Variants in NUP93 observed in about 807,000 individuals in gnomAD.
The protein encoded by NUP93 is nucleoporin 93, also known as nuclear pore complex protein Nup93.
Under a neutral mutation model 107.8 loss-of-function variants are expected in NUP93, and 55 were observed. The observed-to-expected ratio is 0.51, with a 90% CI of 0.41 to 0.64. The LOEUF is 0.64. Among genes scored for constraint, NUP93 ranks in the 30% least tolerant of loss-of-function variants. The pLI, the probability that NUP93 is intolerant of heterozygous loss-of-function variation, is 0.00. For missense variants in NUP93, 937 were observed against 1,044.7 expected (o/e 0.90, Z 1.42); for synonymous variants, 390 against 397.5 (o/e 0.98, Z 0.22).
chr16:56,810,670 T>C (rs1963295432), intron 5 of NUP93, among the ~76,000 whole-genome samples: 1 of 152,046 alleles, frequency 6.6e-6, no homozygotes, highest in Non-Finnish European at 1.5e-5. Flanking sequence ...TTTTAAAAAG[T>C]GTACAACTCA....
chr16:56,757,340 T>C (rs748576965), intron 2 of NUP93, among the ~76,000 whole-genome samples: 1 of 152,222 alleles, frequency 6.6e-6, no homozygotes, highest in Non-Finnish European at 1.5e-5. Flanking sequence ...ATGGGCTGGA[T>C]GTGGTGGTTC....
intron 3 of NUP93, among the ~76,000 whole-genome samples, chr16:56,793,680 CT>C (rs1305442200): frequency 6.6e-6 from 1 of 152,114 alleles, no homozygotes; most frequent in Non-Finnish European, 1.5e-5. Flanking sequence ...TTCTGCCCAA[CT>C]TTTTAGTTCT....
chr16:56,840,060 A>G (rs1865829), intron 20 of NUP93: 162,225 of 168,904 alleles, frequency 0.96, 77,970 homozygotes, highest in East Asian at 1. Context: ...TCACTCTGTC[A>G]CCCAGGCTGG....
Position 56,835,894 on chromosome 16 carries a change from C to T in NUP93, c.1783-707C>T, listed in dbSNP as rs1045554995. Reference sequence around the variant, plus strand: ...CTGTAATCCCAGCACTTTGGGAGGCCGAGGCGGGTGGATCATGAGGTCAGG... The same window carrying T: ...CTGTAATCCCAGCACTTTGGGAGGCTGAGGCGGGTGGATCATGAGGTCAGG... On this transcript the variant is annotated intron_variant, in intron 16 of 21. Transcript: ENST00000308159. Among the ~76,000 whole-genome samples, 3 of 151,910 alleles carry T rather than the reference C, an allele frequency of 2.0e-5. No homozygotes were observed. In the East Asian group the frequency reaches 5.8e-4, roughly 29 times the overall value.
intron 3 of NUP93, among the ~76,000 whole-genome samples, chr16:56,790,473 C>G (rs1377271757): frequency 6.6e-6 from 1 of 152,160 alleles, no homozygotes; most frequent in Non-Finnish European, 1.5e-5. Context: ...AAAAGCGAGT[C>G]CACACCGTCT....
chr16:56,839,378 A>T, intron 19 of NUP93, 143 bp from the exon 20 acceptor site: 2 of 579,954 alleles, frequency 3.4e-6, no homozygotes, highest in African/African-American at 1.9e-5. Flanking sequence ...GCTAGTTAGA[A>T]TCAAAGCCTT....
At chr16:56,833,668 G>C (rs1963849521) in intron 13 of NUP93, among the ~76,000 whole-genome samples, 1 of 150,746 alleles carries the variant, frequency 6.6e-6, no homozygotes, top group Admixed American at 6.6e-5. Flanking sequence ...TGATTGCCTG[G>C]AAAATGCTGA....
intron 21 of NUP93, among the ~76,000 whole-genome samples, chr16:56,842,280 A>C (rs1964040626): frequency 6.6e-6 from 1 of 152,184 alleles, no homozygotes; most frequent in Admixed American, 6.5e-5. Context: ...ACAGCATCTT[A>C]TCCCCTCTCA....
chr16:56,818,448 G>C (rs1244690938), intron 5 of NUP93, among the ~76,000 whole-genome samples: 1 of 152,146 alleles, frequency 6.6e-6, no homozygotes, highest in African/African-American at 2.4e-5. Flanking sequence ...CTCTTTTTTA[G>C]TTAATCCAAT....
intron 1 of NUP93, among the ~76,000 whole-genome samples, chr16:56,736,368 A>G (rs1472784146): frequency 5.9e-5 from 9 of 152,222 alleles, no homozygotes; most frequent in Non-Finnish European, 1.3e-4. Flanking sequence ...TTCGGTAATG[A>G]GAGTTTGGAG....
rs568523095 is a variant in NUP93, at chr16:56,845,501, A to G, written c.*892A>G. 6.6e-6 allele frequency: 1 copy of G among 152,358 alleles called. No individual in the cohort carries two copies. The highest frequency in any genetic ancestry group is 2.1e-4 in the South Asian group (1 of 4,832). The allele number at this position is 152,358 out of a possible 1,614,324, so 9.4% of individuals were successfully genotyped here. ...TGCAATGTACAGAATCCAGACCACC[A>G]CATGGCATCAGCACCATGGGTGTTT... On this transcript the variant is annotated 3_prime_UTR_variant, in exon 22 of 22. Transcript: ENST00000308159.
At chr16:56,783,398 TTG>T in intron 3 of NUP93, 1 of 858,100 alleles carries the variant, frequency 1.2e-6, no homozygotes, top group Non-Finnish European at 1.4e-6. Context: ...CCTCTTGGCA[TTG>T]GAGTTCTGGA....
At chr16:56,735,530 C>T (rs549565374) in intron 1 of NUP93, among the ~76,000 whole-genome samples, 1 of 152,232 alleles carries the variant, frequency 6.6e-6, no homozygotes, top group Admixed American at 6.5e-5. Context: ...GTTTTTTGAG[C>T]AGGGGCAACA....
In NUP93 at chr16:56,829,014, T is replaced by G; in HGVS notation, c.832T>G (p.Leu278Val). The change falls in exon 9 of 22, where the codon TTG becomes GTG. Residue 278 changes from leucine (L) to valine (V), a missense_variant. Physicochemically the swap from Leu to Val is conservative, Grantham distance 32. Transcript: ENST00000308159. ...CACCCTTGTGACTGTCTTTGGAAAT[T>G]TGCATCAGGCCCAGCTGGGCGGGGT... ...NYTLVTVFGN[L>V]HQAQLGGVPG... 1 of 1,613,820 alleles carries G rather than the reference T, an allele frequency of 6.2e-7. No individual in the cohort carries two copies. Among genetic ancestry groups the G allele is most frequent in the East Asian group, 2.2e-5 (1 of 44,880 alleles).
At chr16:56,814,896 G>A (rs752918561) in intron 5 of NUP93, among the ~76,000 whole-genome samples, 55 of 152,342 alleles carry the variant, frequency 3.6e-4, no homozygotes, top group Non-Finnish European at 7.6e-4. Flanking sequence ...CAGCCCTCAG[G>A]CAGTCCCTGG....
intron 1 of NUP93, among the ~76,000 whole-genome samples, chr16:56,746,919 GA>G (rs1236112477): frequency 6.6e-6 from 1 of 150,582 alleles, no homozygotes; most frequent in East Asian, 1.9e-4. Flanking sequence ...CCAAAAGAAG[GA>G]AAAAAAGTAT....
chr16:56,833,113 G>A, intron 12 of NUP93, 102 bp from the exon 13 acceptor site: 1 of 960,730 alleles, frequency 1.0e-6, no homozygotes, highest in Non-Finnish European at 1.6e-6. Context: ...TTCCTGTCCA[G>A]CAAGTCCTGT....
chr16:56,826,012 A>G (rs1963650878), intron 8 of NUP93, among the ~76,000 whole-genome samples: 1 of 152,186 alleles, frequency 6.6e-6, no homozygotes, highest in South Asian at 2.1e-4. Context: ...TTGTGAAAAT[A>G]TAGGATTGGT....
Position 56,841,768 on chromosome 16 carries a change from A to C in NUP93, c.2284A>C (p.Arg762=), listed in dbSNP as rs1270045333. The C allele has an allele frequency of 1.9e-6, 3 of 1,614,204 alleles. No homozygotes were observed. Among genetic ancestry groups the C allele is most frequent in the Admixed American group, 3.3e-5 (2 of 60,034 alleles). ...TMNILFTQFK[R]LKGTSPSSSS... is the part of the protein sequence containing the mutation. ...GAACATCTTGTTCACACAGTTTAAG[A>C]GGCTCAAGGGGACAAGTCCATCCTC... The change falls in exon 21 of 22, where the codon AGG becomes CGG. Residue 762 remains arginine (R), a synonymous_variant. Transcript: ENST00000308159.
Sources: allele counts gnomAD v4.1 joint callset (sites outside exome capture counted in the v4.1 genomes callset), GRCh38; gene constraint gnomAD v4.1.1; transcripts MANE v1.5; gene names NCBI Gene and HGNC (gene_info 2026-07-23, HGNC 2026-07-21).